Variants in SGCD observed in about 807,000 individuals in gnomAD.
The protein encoded by SGCD is sarcoglycan delta, also known as delta-sarcoglycan.
Under a neutral mutation model 36.6 loss-of-function variants are expected in SGCD, and 18 were observed. The observed-to-expected ratio is 0.49, with a 90% CI of 0.34 to 0.73. SGCD has a LOEUF of 0.73. Ranked by LOEUF, SGCD falls within the 30% of genes least tolerant of loss-of-function variation. The pLI, the probability that SGCD is intolerant of heterozygous loss-of-function variation, is 0.01. For synonymous variants in SGCD, 133 were observed against 130.6 expected (o/e 1.02, Z -0.12); for missense variants, 387 against 346.7 (o/e 1.12, Z -0.92).
chr5:156,601,435 A>T (rs1297366128), intron 6 of SGCD, among the ~76,000 whole-genome samples: 1 of 152,150 alleles, frequency 6.6e-6, no homozygotes, highest in Non-Finnish European at 1.5e-5. Flanking sequence ...TGAAAAGGCA[A>T]TTGGCTGTAG....
intron 3 of SGCD, among the ~76,000 whole-genome samples, chr5:156,188,914 C>G (rs1763826935): frequency 6.6e-6 from 1 of 152,160 alleles, no homozygotes; most frequent in African/African-American, 2.4e-5. Flanking sequence ...ACCCTATAAC[C>G]TGTTTTGCTA....
At chr5:156,136,012 G>A (rs1213285956) in intron 3 of SGCD, among the ~76,000 whole-genome samples, 2 of 151,990 alleles carry the variant, frequency 1.3e-5, no homozygotes, top group African/African-American at 2.4e-5. Context: ...TAATAAAGGT[G>A]GTAAAAACTC....
chr5:156,357,581 G>A (rs1221188453), intron 3 of SGCD, among the ~76,000 whole-genome samples: 1 of 151,956 alleles, frequency 6.6e-6, no homozygotes, highest in Non-Finnish European at 1.5e-5. Context: ...AATTTTAAGG[G>A]GTCATACTAA....
At chr5:156,602,200 C>T (rs879729191) in intron 6 of SGCD, among the ~76,000 whole-genome samples, 2 of 152,010 alleles carry the variant, frequency 1.3e-5, no homozygotes, top group African/African-American at 2.4e-5. Flanking sequence ...TCTTATTTTT[C>T]GTAGCTATTG....
At chr5:156,348,003 G>A (rs1412653454) in intron 3 of SGCD, among the ~76,000 whole-genome samples, 1 of 152,162 alleles carries the variant, frequency 6.6e-6, no homozygotes, top group Non-Finnish European at 1.5e-5. Flanking sequence ...TGAGCAAATA[G>A]AACTGAAGTG....
At chr5:156,078,057 T>C (rs188478135) in intron 1 of SGCD, among the ~76,000 whole-genome samples, 1 of 152,302 alleles carries the variant, frequency 6.6e-6, no homozygotes, top group East Asian at 1.9e-4. Context: ...GAATCCCTTC[T>C]TTTTGTTATC....
intron 3 of SGCD, among the ~76,000 whole-genome samples, chr5:156,421,148 CTG>C (rs1773287990): frequency 6.6e-6 from 1 of 151,914 alleles, no homozygotes; most frequent in Non-Finnish European, 1.5e-5. Flanking sequence ...TCACAGAAAA[CTG>C]TTATGAAAAG....
chr5:156,109,015 T>C (rs990193083), intron 1 of SGCD, among the ~76,000 whole-genome samples: 2 of 152,282 alleles, frequency 1.3e-5, no homozygotes, highest in East Asian at 1.9e-4. Flanking sequence ...TCAAGAAAGA[T>C]AAGCCCTATT....
chr5:156,057,947 C>A (rs1760102538), intron 1 of SGCD, among the ~76,000 whole-genome samples: 1 of 145,824 alleles, frequency 6.9e-6, no homozygotes, highest in Admixed American at 6.9e-5. Flanking sequence ...GGGTATAACT[C>A]AAAGGAATCA....
At position 156,767,290 on chromosome 5, in the gene SGCD, C is replaced by G. The variant is rs528659368; in HGVS notation, c.*7900C>G. ...AAAGTTTTTCATGTATCAACCACCT[C>G]CCCCAGTCAGGTTTCTCCCTTTTTG... On this transcript the variant is annotated 3_prime_UTR_variant, in exon 9 of 9. Transcript: ENST00000337851. The G allele has an allele frequency of 6.6e-6, 1 of 152,136 alleles. No individual in the cohort carries two copies. Among genetic ancestry groups the G allele is most frequent in the South Asian group, 2.1e-4 (1 of 4,800 alleles). 9.4% of individuals were successfully genotyped at this position (152,136 alleles called of 1,614,324 possible).
chr5:156,682,865 A>C (rs917351641), intron 7 of SGCD, among the ~76,000 whole-genome samples: 2 of 152,242 alleles, frequency 1.3e-5, no homozygotes, highest in Non-Finnish European at 2.9e-5. Flanking sequence ...TAGAATGTAC[A>C]CATGCACACA....
intron 3 of SGCD, among the ~76,000 whole-genome samples, chr5:156,136,435 A>G (rs59919644): frequency 0.012 from 1,900 of 152,272 alleles, 37 homozygotes; most frequent in African/African-American, 0.044. Flanking sequence ...GAATAAAAAT[A>G]TGTTTCTTTT....
At chr5:156,711,204 G>C (rs531748693) in intron 7 of SGCD, among the ~76,000 whole-genome samples, 2 of 152,010 alleles carry the variant, frequency 1.3e-5, no homozygotes, top group Non-Finnish European at 2.9e-5. Context: ...CAAGAGGGGG[G>C]GTCCATTCAG....
At chr5:155,734,669 T>A in the SGCD span, among the ~76,000 whole-genome samples, 9 of 152,224 alleles carry the variant, frequency 5.9e-5, no homozygotes, top group Non-Finnish European at 2.9e-5. Flanking sequence ...AACCCATTGC[T>A]GAGAATGTTG....
chr5:156,369,536 G>A (rs745629339), intron 3 of SGCD, among the ~76,000 whole-genome samples: 1 of 152,148 alleles, frequency 6.6e-6, no homozygotes, highest in Non-Finnish European at 1.5e-5. Context: ...TAATTTGAAA[G>A]CCATTAAAGG....
At chr5:155,972,572 G>GT (rs1758027891) in intron 1 of SGCD, among the ~76,000 whole-genome samples, 2 of 152,180 alleles carry the variant, frequency 1.3e-5, no homozygotes, top group South Asian at 4.1e-4. Flanking sequence ...CATGATATGT[G>GT]TGTTTAAGCA....
intron 6 of SGCD, among the ~76,000 whole-genome samples, chr5:156,601,356 A>T (rs1761184869): frequency 6.6e-6 from 1 of 151,840 alleles, no homozygotes; most frequent in Non-Finnish European, 1.5e-5. Context: ...CTACATGTGG[A>T]TATCCAATTT....
intron 3 of SGCD, among the ~76,000 whole-genome samples, chr5:156,290,535 G>GAAAA (rs1298952921): frequency 6.6e-6 from 1 of 152,170 alleles, no homozygotes. Context: ...TAGGTTGGCA[G>GAAAA]TATCTGCCTC....
At chr5:156,316,365 T>C (rs1420111676) in intron 3 of SGCD, among the ~76,000 whole-genome samples, 1 of 151,982 alleles carries the variant, frequency 6.6e-6, no homozygotes, top group Non-Finnish European at 1.5e-5. Flanking sequence ...ATTAATATTG[T>C]CAAAATGTCC....
Sources: allele counts gnomAD v4.1 joint callset (sites outside exome capture counted in the v4.1 genomes callset), GRCh38; gene constraint gnomAD v4.1.1; transcripts MANE v1.5; gene names NCBI Gene and HGNC (gene_info 2026-07-23, HGNC 2026-07-21).